TCF4: variants seen among roughly 807,000 people sequenced by gnomAD.
TCF4 encodes the protein SL3-3 enhancer factor 2.
A neutral mutation model predicts 82.1 loss-of-function variants in TCF4; 3 were observed. The ratio of observed to expected loss-of-function variants is 0.04; its 90% CI spans 0.02 to 0.09. The LOEUF (loss-of-function observed/expected upper bound fraction) is 0.09. Ranked by LOEUF, TCF4 falls within the 10% of genes least tolerant of loss-of-function variation. The probability of loss-of-function intolerance (pLI) is 1.00; values close to 1 mark genes in which losing one functional copy is unlikely to be tolerated. For missense variants in TCF4, 518 were observed against 852.7 expected, an observed-to-expected ratio of 0.61 and a Z score of 4.89; for synonymous variants, 276 against 309.6, an observed-to-expected ratio of 0.89 and a Z score of 1.14.
At position 55,365,156 on chromosome 18, in the gene TCF4, A is replaced by AATATATATATATATATATATAT. The variant is rs139574594; in HGVS notation, c.370-14175_370-14154dup. Among the ~76,000 whole-genome samples, 23 of 83,518 alleles carry AATATATATATATATATATATAT rather than the reference A, an allele frequency of 2.8e-4. 1 individual carries two copies. The highest frequency in any genetic ancestry group is 4.5e-4 in the African/African-American group (8 of 17,828). The allele number at this position is 83,518 out of a possible 152,430, so 54.8% of individuals were successfully genotyped here. A position where few individuals can be genotyped will look rare whatever the true frequency, so the allele number is the denominator to read the frequency against. On this transcript the variant is annotated intron_variant, in intron 6 of 19. Transcript: ENST00000354452. ...CAACAGTGTGAGACTCCATCTCCAA[A>AATATATATATATATATATATAT]ATATATATATATATATATATATATA...
intron 8 of TCF4, among the ~76,000 whole-genome samples, chr18:55,300,127 C>A (rs1328994283): frequency 1.3e-5 from 2 of 151,590 alleles, no homozygotes; most frequent in African/African-American, 4.9e-5. Context: ...CACACACACC[C>A]CACATTAATC....
At chr18:55,504,447 T>C (rs1043148444) in intron 3 of TCF4, among the ~76,000 whole-genome samples, 4 of 152,218 alleles carry the variant, frequency 2.6e-5, no homozygotes, top group African/African-American at 9.6e-5. Flanking sequence ...TAGCTAAACA[T>C]TTCAATCACT....
chr18:55,444,527 T>G (rs1468112643), intron 5 of TCF4, among the ~76,000 whole-genome samples: 1 of 152,180 alleles, frequency 6.6e-6, no homozygotes, highest in Non-Finnish European at 1.5e-5. Context: ...TCAAAACATG[T>G]GGAAAGAGAG....
chr18:55,476,174 CA>C (rs11298284), intron 3 of TCF4, among the ~76,000 whole-genome samples: 64,224 of 146,206 alleles, frequency 0.44, 13,907 homozygotes, highest in Middle Eastern at 0.52. Context: ...GGCTGACGTA[CA>C]AAAAAAAAAA....
At chr18:55,572,525 G>A (rs1389703372) in intron 3 of TCF4, among the ~76,000 whole-genome samples, 1 of 152,140 alleles carries the variant, frequency 6.6e-6, no homozygotes, top group Non-Finnish European at 1.5e-5. Flanking sequence ...CTAATCAGGA[G>A]TTACCAGGTA....
chr18:55,477,313 T>C (rs193250973), intron 3 of TCF4, among the ~76,000 whole-genome samples: 1 of 152,354 alleles, frequency 6.6e-6, no homozygotes, highest in Non-Finnish European at 1.5e-5. Context: ...AATTGGTAGA[T>C]GCCCTATATA....
At chr18:55,624,870 C>T (rs1360500326) in intron 2 of TCF4, among the ~76,000 whole-genome samples, 1 of 152,072 alleles carries the variant, frequency 6.6e-6, no homozygotes, top group Non-Finnish European at 1.5e-5. Context: ...TTTTAAGTAC[C>T]TCTCTGCAAC....
intron 5 of TCF4, among the ~76,000 whole-genome samples, chr18:55,409,379 C>CA (rs1556143882): frequency 6.6e-6 from 1 of 150,538 alleles, no homozygotes; most frequent in Non-Finnish European, 1.5e-5. Context: ...TCAGGGTTTT[C>CA]TTTTTTTTTA....
At chr18:55,480,078 T>C (rs371417760) in intron 3 of TCF4, among the ~76,000 whole-genome samples, 89 of 152,282 alleles carry the variant, frequency 5.8e-4, no homozygotes, top group African/African-American at 2.1e-3. Context: ...TTATCCATTC[T>C]TTCTCTTAAC....
chr18:55,426,134 CAT>C (rs71167295), intron 5 of TCF4, among the ~76,000 whole-genome samples: 10,325 of 139,190 alleles, frequency 0.074, 421 homozygotes, highest in Non-Finnish European at 0.1. Context: ...CACACACACA[CAT>C]ATATTTTCAT....
At chr18:55,281,531 TA>T (rs1272749905) in intron 8 of TCF4, among the ~76,000 whole-genome samples, 4 of 152,116 alleles carry the variant, frequency 2.6e-5, no homozygotes, top group African/African-American at 9.6e-5. Flanking sequence ...ATATATTTAT[TA>T]TAAAACTAAA....
At chr18:55,391,507 T>A (rs1240812641) in intron 6 of TCF4, among the ~76,000 whole-genome samples, 1 of 152,094 alleles carries the variant, frequency 6.6e-6, no homozygotes, top group Non-Finnish European at 1.5e-5. Context: ...AAACCTGGCA[T>A]CTCTGTGAAC....
At chr18:55,508,560 A>T (rs1249325634) in intron 3 of TCF4, among the ~76,000 whole-genome samples, 1 of 152,216 alleles carries the variant, frequency 6.6e-6, no homozygotes, top group Non-Finnish European at 1.5e-5. Flanking sequence ...TAATTCCCAT[A>T]GCCCAATGAA....
At chr18:55,511,184 A>G (rs2096824283) in intron 3 of TCF4, among the ~76,000 whole-genome samples, 1 of 152,092 alleles carries the variant, frequency 6.6e-6, no homozygotes, top group South Asian at 2.1e-4. Context: ...TTCAACACAC[A>G]ATACACGGAA....
intron 15 of TCF4, among the ~76,000 whole-genome samples, chr18:55,247,523 T>C (rs2053647245): frequency 6.6e-6 from 1 of 152,152 alleles, no homozygotes; most frequent in African/African-American, 2.4e-5. Context: ...CAAAACAGGA[T>C]ATTGTTAGGT....
chr18:55,406,126 CTT>C (rs34522468), intron 5 of TCF4, among the ~76,000 whole-genome samples: 30,224 of 115,720 alleles, frequency 0.26, 3,690 homozygotes, highest in East Asian at 0.48. Context: ...GGGAGGTGGA[CTT>C]TTTTTTTTTT....
chr18:55,311,643 T>C (rs1270229266), intron 8 of TCF4, among the ~76,000 whole-genome samples: 1 of 152,348 alleles, frequency 6.6e-6, no homozygotes, highest in East Asian at 1.9e-4. Flanking sequence ...TAGTATGTGA[T>C]AGTCTGACTT....
At chr18:55,552,841 TG>T (rs1160479008) in intron 3 of TCF4, among the ~76,000 whole-genome samples, 1 of 152,218 alleles carries the variant, frequency 6.6e-6, no homozygotes, top group African/African-American at 2.4e-5. Flanking sequence ...GTTTAAATGT[TG>T]TTTGATGAGA....
intron 11 of TCF4, among the ~76,000 whole-genome samples, chr18:55,262,379 T>C (rs557294015): frequency 6.6e-6 from 1 of 152,358 alleles, no homozygotes; most frequent in South Asian, 2.1e-4. Context: ...AGGATTCTTG[T>C]GGTCTTCAGT....
Sources: gnomAD v4.1 joint callset for allele counts (sites outside exome capture counted in the v4.1 genomes callset) on GRCh38, gnomAD v4.1.1 for gene constraint, MANE v1.5 for transcripts, NCBI Gene and HGNC (gene_info 2026-07-23, HGNC 2026-07-21) for gene names.